EPB41L4A: variants seen among roughly 807,000 people sequenced by gnomAD.
EPB41L4A encodes erythrocyte membrane protein band 4.1 like 4A, also known as band 4.1-like protein 4A.
A neutral mutation model predicts 108.6 loss-of-function variants in EPB41L4A; 100 were observed. The ratio of observed to expected loss-of-function variants is 0.92; its 90% CI spans 0.78 to 1.09. The LOEUF is 1.09. Ranked by LOEUF, EPB41L4A falls within the 50% of genes least tolerant of loss-of-function variation. EPB41L4A has a pLI of 0.00. For synonymous variants in EPB41L4A, 319 were observed against 289.0 expected (o/e 1.10, Z -1.05); for missense variants, 1,030 against 842.7 (o/e 1.22, Z -2.75).
At chr5:112,389,746 C>T (rs539362748) in intron 1 of EPB41L4A, among the ~76,000 whole-genome samples, 1 of 152,274 alleles carries the variant, frequency 6.6e-6, no homozygotes, top group African/African-American at 2.4e-5. Context: ...TCCAGAATTG[C>T]AAATAAAGCT....
chr5:112,356,026 C>T (rs1437746645), intron 1 of EPB41L4A, among the ~76,000 whole-genome samples: 4 of 152,122 alleles, frequency 2.6e-5, no homozygotes, highest in South Asian at 2.1e-4. Flanking sequence ...ATACACTCCA[C>T]TTGGGTAGCT....
intron 1 of EPB41L4A, among the ~76,000 whole-genome samples, chr5:112,403,365 G>A (rs1410141444): frequency 6.8e-6 from 1 of 147,874 alleles, no homozygotes; most frequent in Admixed American, 6.7e-5. Context: ...GCAAGTCAGA[G>A]TCTTACAAAG....
chr5:112,274,493 A>G (rs917531023), intron 4 of EPB41L4A, among the ~76,000 whole-genome samples: 1 of 152,206 alleles, frequency 6.6e-6, no homozygotes, highest in African/African-American at 2.4e-5. Flanking sequence ...AAGAAAAAAG[A>G]AAGTCTGAGA....
rs754775015 is a variant in EPB41L4A, at chr5:112,204,402, T to C, written c.1349A>G (p.Asn450Ser). 1.7e-5 allele frequency: 27 copies of C among 1,613,510 alleles called. No homozygotes were observed. Among genetic ancestry groups the C allele is most frequent in the East Asian group, 1.1e-4 (5 of 44,886 alleles). ...CCTCCTCACAGGCTGTACAGAATCATTGTCACTTCCACAGGAGGGGTTTCG... is the reference window on the plus strand; with the variant it reads ...CCTCCTCACAGGCTGTACAGAATCACTGTCACTTCCACAGGAGGGGTTTCG... The part of the protein sequence containing the change: ...RRRNPSCGSD[N>S]DSVQPVRRRK... The change falls in exon 15 of 23, where the codon AAT becomes AGT. Residue 450 changes from asparagine to serine, a missense_variant. Physicochemically the swap from Asn to Ser is conservative, Grantham distance 46. Coordinates refer to ENST00000261486, the MANE Select transcript of EPB41L4A (RefSeq NM_022140.5).
intron 15 of EPB41L4A, among the ~76,000 whole-genome samples, chr5:112,198,517 T>G (rs1423770239): frequency 2.6e-5 from 4 of 152,234 alleles, no homozygotes; most frequent in African/African-American, 9.6e-5. Flanking sequence ...TGGGTTCTTC[T>G]CTATAATGTC....
intron 12 of EPB41L4A, chr5:112,228,229 T>C (rs561062183): frequency 6.6e-6 from 1 of 152,332 alleles, no homozygotes; most frequent in East Asian, 1.9e-4. Context: ...AATTAATTGC[T>C]AGTATTTCAA....
At chr5:112,241,559 T>C (rs1045722376) in intron 9 of EPB41L4A, among the ~76,000 whole-genome samples, 1 of 151,878 alleles carries the variant, frequency 6.6e-6, no homozygotes, top group South Asian at 2.1e-4. Context: ...TCAGAAAAAA[T>C]AATACAAATT....
intron 1 of EPB41L4A, among the ~76,000 whole-genome samples, chr5:112,408,283 C>T (rs183707275): frequency 6.6e-6 from 1 of 152,058 alleles, no homozygotes; most frequent in East Asian, 1.9e-4. Flanking sequence ...AATCTTCAGG[C>T]CTTAGGTTAG....
rs1037555428 is a variant in EPB41L4A at position 112,162,842 on chromosome 5, A to G, written c.*2148T>C. ...TGTGTCATATTTTTCACAAGGCAAA[A>G]CTGGGGGAATGACATATACAGAGGC... On this transcript the variant is annotated 3_prime_UTR_variant, in exon 23 of 23. Transcript: ENST00000261486. 1 of 152,196 alleles carries G rather than the reference A, an allele frequency of 6.6e-6. No homozygotes were observed. The highest frequency in any genetic ancestry group is 2.4e-5 in the African/African-American group (1 of 41,450). 9.4% of individuals were successfully genotyped at this position (152,196 alleles called of 1,614,324 possible). A position where few individuals can be genotyped will look rare whatever the true frequency, so the allele number is the denominator to read the frequency against.
intron 2 of EPB41L4A, among the ~76,000 whole-genome samples, chr5:112,295,636 G>A (rs556808484): frequency 6.6e-6 from 1 of 152,246 alleles, no homozygotes; most frequent in East Asian, 1.9e-4. Context: ...TTAAAATACT[G>A]ATGTTAACAA....
intron 1 of EPB41L4A, among the ~76,000 whole-genome samples, chr5:112,329,242 C>T (rs1296713505): frequency 5.9e-5 from 9 of 152,094 alleles, no homozygotes; most frequent in South Asian, 2.1e-4. Flanking sequence ...TTAAATAAAA[C>T]GTTATTAAAA....
At chr5:112,390,410 A>C (rs771746983) in intron 1 of EPB41L4A, among the ~76,000 whole-genome samples, 8 of 152,198 alleles carry the variant, frequency 5.3e-5, no homozygotes, top group Non-Finnish European at 1.0e-4. Context: ...CACCTGGCTC[A>C]GTGGGTCTCA....
At chr5:112,170,904 A>C in intron 19 of EPB41L4A, 41 bp downstream of exon 19, 1 of 1,561,984 alleles carries the variant, frequency 6.4e-7, no homozygotes, top group Non-Finnish European at 8.8e-7. Flanking sequence ...CATTAAAACT[A>C]CATGGGTTTT....
At chr5:112,361,332 A>G (rs1758742949) in intron 1 of EPB41L4A, among the ~76,000 whole-genome samples, 1 of 152,202 alleles carries the variant, frequency 6.6e-6, no homozygotes, top group Non-Finnish European at 1.5e-5. Context: ...ATGCTCGTTA[A>G]GAGTCATCAC....
At chr5:112,345,146 C>T (rs1757557130) in intron 1 of EPB41L4A, among the ~76,000 whole-genome samples, 2 of 152,182 alleles carry the variant, frequency 1.3e-5, no homozygotes, top group Admixed American at 6.5e-5. Context: ...CCCTTTGGGG[C>T]ATGGCTGAAA....
In EPB41L4A at chr5:112,415,928, C is replaced by G. The variant is rs141522351; in HGVS notation, c.99+3013G>C. Among the ~76,000 whole-genome samples, 1,043 of 151,348 alleles carry G rather than the reference C, an allele frequency of 6.9e-3. 10 individuals are homozygous for G. The highest frequency in any genetic ancestry group is 0.024 in the African/African-American group (989 of 40,930). On this transcript the variant is annotated intron_variant, in intron 1 of 22. Coordinates refer to ENST00000261486, the MANE Select transcript of EPB41L4A (RefSeq NM_022140.5). ...AGCAAGTAAAAAAGGCAAATACCTCCGTAACATTAACAGGGATGCAAAGAT... is the reference window on the plus strand; with the variant it reads ...AGCAAGTAAAAAAGGCAAATACCTCGGTAACATTAACAGGGATGCAAAGAT...
chr5:112,324,081 G>T (rs185402770), intron 1 of EPB41L4A, among the ~76,000 whole-genome samples: 90 of 152,208 alleles, frequency 5.9e-4, no homozygotes, highest in Non-Finnish European at 9.6e-4. Context: ...GAGTTCTAAA[G>T]ATATGAAAGA....
intron 19 of EPB41L4A, 36 bp downstream of exon 19, chr5:112,170,909 G>A (rs370725133): frequency 7.5e-5 from 118 of 1,576,618 alleles, no homozygotes; most frequent in Non-Finnish European, 8.9e-5. Flanking sequence ...AAACTACATG[G>A]GTTTTAAAAC....
intron 1 of EPB41L4A, among the ~76,000 whole-genome samples, chr5:112,386,169 T>G (rs1415321779): frequency 1.3e-5 from 2 of 152,212 alleles, no homozygotes; most frequent in Non-Finnish European, 2.9e-5. Context: ...ACGAAGGCAT[T>G]ATCACCCACT....
Sources: allele counts gnomAD v4.1 joint callset (sites outside exome capture counted in the v4.1 genomes callset), GRCh38; gene constraint gnomAD v4.1.1; transcripts MANE v1.5; gene names NCBI Gene and HGNC (gene_info 2026-07-23, HGNC 2026-07-21).